The following USP34 variants were observed in gnomAD, a reference collection of about 807,000 sequenced individuals.
The protein encoded by USP34 is ubiquitin carboxyl-terminal hydrolase 34.
Under a neutral mutation model 460.3 loss-of-function variants are expected in USP34, and 70 were observed. The ratio of observed to expected loss-of-function variants is 0.15; its 90% CI spans 0.13 to 0.19. USP34 has a LOEUF of 0.19. USP34 is among the 10% of genes least tolerant of loss of function. The pLI, the probability that USP34 is intolerant of heterozygous loss-of-function variation, is 1.00. For synonymous variants in USP34, 1,647 were observed against 1,405.3 expected (o/e 1.17, Z -3.85); for missense variants, 3,985 against 4,236.2 (o/e 0.94, Z 1.65).
chr2:61,355,096 C>T (rs1692064247), intron 10 of USP34, among the ~76,000 whole-genome samples: 1 of 152,152 alleles, frequency 6.6e-6, no homozygotes. Context: ...AGCATGAAAC[C>T]CAGCACGAAT....
At chr2:61,382,436 A>T (rs1031712282) in intron 6 of USP34, among the ~76,000 whole-genome samples, 2 of 152,146 alleles carry the variant, frequency 1.3e-5, no homozygotes, top group African/African-American at 2.4e-5. Context: ...ACGTCTTTCT[A>T]ATAATCATTT....
At chr2:61,354,107 T>TA (rs1692036147) in intron 10 of USP34, among the ~76,000 whole-genome samples, 1 of 151,382 alleles carries the variant, frequency 6.6e-6, no homozygotes, top group Non-Finnish European at 1.5e-5. Context: ...AATAACTAAC[T>TA]AAATAAATAA....
In USP34 at chr2:61,440,866, G is replaced by C. The variant is rs1368353171; in HGVS notation, c.44-20033C>G. 2.2e-4 allele frequency among the ~76,000 whole-genome samples: 34 copies of C among 151,482 alleles called. 1 individual carries two copies. The highest frequency in any genetic ancestry group is 2.2e-3 in the Admixed American group (34 of 15,204). On this transcript the variant is annotated intron_variant, in intron 1 of 79. Coordinates refer to ENST00000398571, the MANE Select transcript of USP34 (RefSeq NM_014709.4). ...AAAAATTTCGGGTGCAGTGGCTCAC[G>C]CCTGTAATCTCAGCACTATGGGAGG...
rs141618726 is a variant in USP34 at position 61,375,360 on chromosome 2, A to T, written c.1076+3003T>A. Among the ~76,000 whole-genome samples the T allele has an allele frequency of 7.2e-5, 11 of 152,336 alleles. No individual in the cohort carries two copies. In the East Asian group the frequency reaches 1.9e-3, roughly 27 times the overall value. ...ACAGCTCCAATGAAAGTTAAAGGTAAACTAATCATATAAGCAACAATTCTA... is the reference window on the plus strand; with the variant it reads ...ACAGCTCCAATGAAAGTTAAAGGTATACTAATCATATAAGCAACAATTCTA... On this transcript the variant is annotated intron_variant, in intron 8 of 79. Coordinates refer to ENST00000398571, the MANE Select transcript of USP34 (RefSeq NM_014709.4).
At chr2:61,253,277 C>T (rs957113881) in intron 48 of USP34, among the ~76,000 whole-genome samples, 7 of 152,164 alleles carry the variant, frequency 4.6e-5, no homozygotes, top group Non-Finnish European at 7.4e-5. Context: ...TTATCAAGAA[C>T]GACAGATTTA....
Position 61,303,419 on chromosome 2 carries a change from T to C in USP34, c.3818-1965A>G, listed in dbSNP as rs79548373. On this transcript the variant is annotated intron_variant, in intron 27 of 79. Transcript: ENST00000398571. ...ATTATATACTTGATTTAGTGTCCTA[T>C]TCATCATGTTGCTCACAAATTATAA... 7.0e-3 allele frequency among the ~76,000 whole-genome samples: 1,067 copies of C among 152,214 alleles called. 2 individuals are homozygous for C. The highest frequency in any genetic ancestry group is 0.014 in the Middle Eastern group (4 of 294).
At chr2:61,429,738 A>G (rs952758686) in intron 1 of USP34, among the ~76,000 whole-genome samples, 1 of 152,224 alleles carries the variant, frequency 6.6e-6, no homozygotes, top group African/African-American at 2.4e-5. Context: ...CTAAGTAAAA[A>G]GAATACCAAC....
At chr2:61,440,500 A>G (rs2104022247) in intron 1 of USP34, among the ~76,000 whole-genome samples, 1 of 152,078 alleles carries the variant, frequency 6.6e-6, no homozygotes, top group South Asian at 2.1e-4. Context: ...TTCTTCTTGA[A>G]AAAGTTGCCC....
chr2:61,266,309 C>T, intron 41 of USP34, 142 bp from the exon 42 acceptor site: 1 of 764,382 alleles, frequency 1.3e-6, no homozygotes, highest in Non-Finnish European at 2.0e-6. Context: ...TCTGAAAGTC[C>T]TCCGTGTTCA....
intron 10 of USP34, among the ~76,000 whole-genome samples, chr2:61,360,896 A>G (rs1692256669): frequency 6.6e-6 from 1 of 152,190 alleles, no homozygotes; most frequent in Non-Finnish European, 1.5e-5. Context: ...AGCTCAAGCT[A>G]TCAGAAGTTA....
rs1695936500 is a variant in USP34 at position 61,470,781 on chromosome 2, G to GGGCT, written c.-90_-89insAGCC. 1.7e-6 allele frequency: 2 copies of GGGCT among 1,198,024 alleles called. No individual in the cohort carries two copies. Among genetic ancestry groups the GGGCT allele is most frequent in the Admixed American group, 2.2e-5 (1 of 46,306 alleles). The allele number at this position is 1,198,024 out of a possible 1,614,324, so 74.2% of individuals were successfully genotyped here. A position where few individuals can be genotyped will look rare whatever the true frequency, so the allele number is the denominator to read the frequency against. On this transcript the variant is annotated 5_prime_UTR_variant, in exon 1 of 80. Transcript: ENST00000398571. ...GGGGAGGGGAGAGAGGCGGAGGAGGGGGCCGGCCGGCCGGCGGGGCGGGGA... is the reference window on the plus strand; with the variant it reads ...GGGGAGGGGAGAGAGGCGGAGGAGGGGGCTGGCCGGCCGGCCGGCGGGGCGGGGA...
chr2:61,275,334 T>C (rs947197311), intron 41 of USP34, among the ~76,000 whole-genome samples: 3 of 152,092 alleles, frequency 2.0e-5, no homozygotes, highest in African/African-American at 4.8e-5. Context: ...TAGCCAAGCA[T>C]GGCGGTGTGC....
Position 61,221,420 on chromosome 2 carries a change from G to T in USP34, c.7899+82C>A, listed in dbSNP as rs1687581740. On this transcript the variant is annotated intron_variant, in intron 66 of 79. Transcript: ENST00000398571. ...ACCATCTTGGGGTAATAAGAAACTG[G>T]TACTTAAAATGGTAGTGACTATATT... 5.6e-6 allele frequency: 7 copies of T among 1,247,378 alleles called. No homozygotes were observed. The South Asian group carries it at 1.1e-4, about 19-fold the overall frequency. 77.3% of individuals were successfully genotyped at this position (1,247,378 alleles called of 1,614,324 possible). A position where few individuals can be genotyped will look rare whatever the true frequency, so the allele number is the denominator to read the frequency against.
intron 16 of USP34, among the ~76,000 whole-genome samples, chr2:61,341,759 T>C (rs921313955): frequency 2.8e-4 from 40 of 141,234 alleles, no homozygotes; most frequent in African/African-American, 5.8e-4. Context: ...GTCTTTCTTT[T>C]TTTTTTTTTT....
At chr2:61,314,482 A>G in intron 25 of USP34, 103 bp downstream of exon 25, 1 of 1,056,556 alleles carries the variant, frequency 9.5e-7, no homozygotes, top group Non-Finnish European at 1.3e-6. Flanking sequence ...TATGCTTTCT[A>G]CTTGACCCCA....
intron 59 of USP34, 34 bp from the exon 60 acceptor site, chr2:61,229,029 A>T (rs1354744052): frequency 1.3e-6 from 2 of 1,484,556 alleles, no homozygotes; most frequent in Non-Finnish European, 1.8e-6. Flanking sequence ...TAGAGAATGT[A>T]TGAGGTCTGG....
At chr2:61,317,313 G>C (rs1350191855) in intron 23 of USP34, among the ~76,000 whole-genome samples, 1 of 152,152 alleles carries the variant, frequency 6.6e-6, no homozygotes, top group Non-Finnish European at 1.5e-5. Context: ...GATCACTTAA[G>C]GTCAGGAGTG....
intron 10 of USP34, among the ~76,000 whole-genome samples, chr2:61,369,009 A>G (rs1022737924): frequency 2.6e-5 from 4 of 152,246 alleles, no homozygotes; most frequent in African/African-American, 9.6e-5. Flanking sequence ...ATTGATAAAT[A>G]GCAAAAAATA....
chr2:61,403,730 G>A (rs956266058), intron 3 of USP34, among the ~76,000 whole-genome samples: 1 of 152,092 alleles, frequency 6.6e-6, no homozygotes, highest in African/African-American at 2.4e-5. Context: ...GCTCACGCCT[G>A]TAATCCCAGC....
Sources: gnomAD v4.1 joint callset for allele counts (sites outside exome capture counted in the v4.1 genomes callset) on GRCh38, gnomAD v4.1.1 for gene constraint, MANE v1.5 for transcripts, NCBI Gene and HGNC (gene_info 2026-07-23, HGNC 2026-07-21) for gene names.